LDB2: variants seen among roughly 807,000 people sequenced by gnomAD.
LDB2 encodes LIM domain-binding protein 2.
In LDB2, 12 loss-of-function variants were observed where a neutral mutation model predicts 44.3. The observed-to-expected ratio is 0.27, with a 90% CI of 0.17 to 0.44. The LOEUF (loss-of-function observed/expected upper bound fraction) is 0.44. Among genes scored for constraint, LDB2 ranks in the 20% least tolerant of loss-of-function variants. LDB2 has a pLI of 1.00. For missense variants in LDB2, 344 were observed against 473.5 expected, an observed-to-expected ratio of 0.73 and a Z score of 2.54; for synonymous variants, 164 against 174.8, an observed-to-expected ratio of 0.94 and a Z score of 0.49.
chr4:16,534,075 T>C (rs760331290), intron 5 of LDB2, among the ~76,000 whole-genome samples: 1 of 152,028 alleles, frequency 6.6e-6, no homozygotes, highest in African/African-American at 2.4e-5. Flanking sequence ...GATCATAAAC[T>C]TGGGGGGCAG....
chr4:16,511,851 G>A (rs1183439717), intron 6 of LDB2, 130 bp downstream of exon 6: 1 of 1,033,830 alleles, frequency 9.7e-7, no homozygotes, highest in Non-Finnish European at 1.4e-6. Flanking sequence ...CACAACCATG[G>A]TCAGAATATC....
At chr4:16,759,846 G>T (rs1767510567) in intron 1 of LDB2, among the ~76,000 whole-genome samples, 1 of 152,184 alleles carries the variant, frequency 6.6e-6, no homozygotes, top group Non-Finnish European at 1.5e-5. Context: ...TAAGAGGACA[G>T]GCAACCACTA....
chr4:16,531,474 A>G (rs1204472166), intron 5 of LDB2, among the ~76,000 whole-genome samples: 1 of 152,264 alleles, frequency 6.6e-6, no homozygotes, highest in Non-Finnish European at 1.5e-5. Flanking sequence ...GGAGTTCTGC[A>G]TCAAATCCCA....
chr4:16,623,063 T>C (rs889950593), intron 2 of LDB2, among the ~76,000 whole-genome samples: 1 of 152,226 alleles, frequency 6.6e-6, no homozygotes, highest in African/African-American at 2.4e-5. Flanking sequence ...GGGAGGCCCT[T>C]GTCTTTTTAT....
At chr4:16,521,090 T>G (rs1472890395) in intron 5 of LDB2, among the ~76,000 whole-genome samples, 1 of 152,194 alleles carries the variant, frequency 6.6e-6, no homozygotes, top group African/African-American at 2.4e-5. Flanking sequence ...TTTGGCCAGT[T>G]GGAGGTACTC....
intron 2 of LDB2, among the ~76,000 whole-genome samples, chr4:16,642,831 T>C (rs1309328101): frequency 6.6e-6 from 1 of 152,192 alleles, no homozygotes; most frequent in Non-Finnish European, 1.5e-5. Flanking sequence ...GAATAGACAT[T>C]GGACAAATAA....
intron 2 of LDB2, among the ~76,000 whole-genome samples, chr4:16,717,384 T>C (rs975498976): frequency 1.3e-5 from 2 of 152,080 alleles, no homozygotes; most frequent in African/African-American, 4.8e-5. Flanking sequence ...ACAAAACATA[T>C]TCTGCCTCCA....
chr4:16,601,419 A>G (rs904036438), intron 2 of LDB2, among the ~76,000 whole-genome samples: 1 of 152,168 alleles, frequency 6.6e-6, no homozygotes, highest in African/African-American at 2.4e-5. Context: ...CTTCCAAGAA[A>G]CAGAAGGGGT....
chr4:16,530,208 G>A (rs1388906430), intron 5 of LDB2, among the ~76,000 whole-genome samples: 1 of 152,226 alleles, frequency 6.6e-6, no homozygotes, highest in Non-Finnish European at 1.5e-5. Flanking sequence ...AAGAGGGTCT[G>A]CCTGACCTCG....
chr4:16,502,429 A>G lies in LDB2; in HGVS notation c.*214T>C, dbSNP rs1717752698. Reference sequence around the variant, plus strand: ...GTGCCAGTATCTGTATTACCTGTGAAGGCCTCCAAGAAAGGGTCATGGAAG... The same window carrying G: ...GTGCCAGTATCTGTATTACCTGTGAGGGCCTCCAAGAAAGGGTCATGGAAG... On this transcript the variant is annotated 3_prime_UTR_variant, in exon 8 of 8. Coordinates refer to ENST00000304523, the MANE Select transcript of LDB2 (RefSeq NM_001290.5). 2 of 617,008 alleles carry G rather than the reference A, an allele frequency of 3.2e-6. No homozygotes were observed. Among genetic ancestry groups the G allele is most frequent in the Non-Finnish European group, 5.6e-6 (2 of 359,480 alleles). 38.2% of individuals were successfully genotyped at this position (617,008 alleles called of 1,614,324 possible).
intron 1 of LDB2, among the ~76,000 whole-genome samples, chr4:16,875,069 G>T (rs1331475063): frequency 6.6e-6 from 1 of 152,172 alleles, no homozygotes; most frequent in African/African-American, 2.4e-5. Context: ...GAGAACATCT[G>T]ATAGACCAGA....
chr4:16,864,722 C>T (rs536327104), intron 1 of LDB2, among the ~76,000 whole-genome samples: 10 of 151,238 alleles, frequency 6.6e-5, no homozygotes, highest in Admixed American at 2.0e-4. Flanking sequence ...GTCAGGAGTT[C>T]GAGACCAGCC....
intron 5 of LDB2, among the ~76,000 whole-genome samples, chr4:16,524,998 G>C (rs1727692730): frequency 6.6e-6 from 1 of 152,168 alleles, no homozygotes; most frequent in Middle Eastern, 3.2e-3. Context: ...CTTTATAATT[G>C]CAATACTGCA....
At chr4:16,852,266 T>G (rs1788422753) in intron 1 of LDB2, among the ~76,000 whole-genome samples, 1 of 152,134 alleles carries the variant, frequency 6.6e-6, no homozygotes, top group Non-Finnish European at 1.5e-5. Context: ...AAAACTAAAA[T>G]TACCAAGGTA....
At chr4:16,613,067 C>T (rs1247224765) in intron 2 of LDB2, among the ~76,000 whole-genome samples, 2 of 151,362 alleles carry the variant, frequency 1.3e-5, no homozygotes, top group Non-Finnish European at 2.9e-5. Context: ...ATATGCAAAT[C>T]AATAAGTGTA....
At chr4:16,696,823 T>G (rs1217451375) in intron 2 of LDB2, among the ~76,000 whole-genome samples, 1 of 152,198 alleles carries the variant, frequency 6.6e-6, no homozygotes, top group Non-Finnish European at 1.5e-5. Context: ...TTAGACTCCC[T>G]TGCAGAGGTT....
At chr4:16,769,125 A>G (rs1770028618) in intron 1 of LDB2, among the ~76,000 whole-genome samples, 1 of 152,196 alleles carries the variant, frequency 6.6e-6, no homozygotes, top group African/African-American at 2.4e-5. Flanking sequence ...AGCCCAAAGC[A>G]AGGATTTCCA....
intron 5 of LDB2, among the ~76,000 whole-genome samples, chr4:16,566,922 C>T (rs1744733652): frequency 6.6e-6 from 1 of 152,040 alleles, no homozygotes; most frequent in Non-Finnish European, 1.5e-5. Context: ...AAGAGACATA[C>T]ATATTAAAAT....
intron 2 of LDB2, among the ~76,000 whole-genome samples, chr4:16,720,648 T>C (rs1433135625): frequency 6.6e-6 from 1 of 152,062 alleles, no homozygotes; most frequent in Non-Finnish European, 1.5e-5. Flanking sequence ...CTTTGTCAGG[T>C]CCCCATTAAC....
Sources: allele counts gnomAD v4.1 joint callset (sites outside exome capture counted in the v4.1 genomes callset), GRCh38; gene constraint gnomAD v4.1.1; transcripts MANE v1.5; gene names NCBI Gene and HGNC (gene_info 2026-07-23, HGNC 2026-07-21).